Variants in STXBP4 observed in about 807,000 individuals in gnomAD.
The protein encoded by STXBP4 is syntaxin binding protein 4, also known as syntaxin-binding protein 4.
A neutral mutation model predicts 76.1 loss-of-function variants in STXBP4; 55 were observed. The ratio of observed to expected loss-of-function variants is 0.72; its 90% CI spans 0.58 to 0.91. The LOEUF is 0.91. STXBP4 is among the 40% of genes least tolerant of loss of function. The pLI is 0.00. For synonymous variants in STXBP4, 201 were observed against 220.2 expected (o/e 0.91, Z 0.77); for missense variants, 618 against 636.9 (o/e 0.97, Z 0.32).
intron 16 of STXBP4, among the ~76,000 whole-genome samples, chr17:55,103,847 A>G (rs1201699084): frequency 6.6e-6 from 1 of 152,052 alleles, no homozygotes; most frequent in Non-Finnish European, 1.5e-5. Context: ...CTTCACCTCC[A>G]TTGTAAGTTG....
At chr17:55,006,306 G>A (rs2078006932) in intron 7 of STXBP4, among the ~76,000 whole-genome samples, 1 of 152,060 alleles carries the variant, frequency 6.6e-6, no homozygotes. Context: ...CACTTCTTAT[G>A]TTCTTAAGAG....
At chr17:55,075,811 G>C (rs12937395) in intron 13 of STXBP4, among the ~76,000 whole-genome samples, 1 of 152,110 alleles carries the variant, frequency 6.6e-6, no homozygotes, top group African/African-American at 2.4e-5. Context: ...TAGCTCATGA[G>C]AGCTGATTGC....
At chr17:55,150,113 T>C (rs1473504477) in intron 17 of STXBP4, among the ~76,000 whole-genome samples, 1 of 152,184 alleles carries the variant, frequency 6.6e-6, no homozygotes, top group Non-Finnish European at 1.5e-5. Flanking sequence ...GACCCTTTAT[T>C]TAGATTTACT....
chr17:55,072,422 A>G (rs1427619192), intron 12 of STXBP4, among the ~76,000 whole-genome samples: 1 of 152,180 alleles, frequency 6.6e-6, no homozygotes, highest in Non-Finnish European at 1.5e-5. Context: ...GAAGTAGTAG[A>G]TAGATTGACG....
chr17:54,987,264 C>T (rs1233359575), intron 3 of STXBP4, among the ~76,000 whole-genome samples: 2 of 152,150 alleles, frequency 1.3e-5, no homozygotes, highest in Non-Finnish European at 2.9e-5. Context: ...TGCCCTCATT[C>T]CCTCTATAAA....
intron 12 of STXBP4, among the ~76,000 whole-genome samples, chr17:55,070,770 A>G (rs1261881138): frequency 6.6e-6 from 1 of 151,754 alleles, no homozygotes; most frequent in Admixed American, 6.6e-5. Flanking sequence ...ATCATAATTG[A>G]TCTAGTATTG....
At chr17:55,116,936 C>G (rs767912220) in intron 16 of STXBP4, among the ~76,000 whole-genome samples, 21 of 151,636 alleles carry the variant, frequency 1.4e-4, no homozygotes, top group Non-Finnish European at 2.2e-4. Context: ...TTTAATGAAC[C>G]TTTTATTAAT....
chr17:55,141,883 T>A (rs192915082), intron 17 of STXBP4, among the ~76,000 whole-genome samples: 123 of 152,222 alleles, frequency 8.1e-4, no homozygotes, highest in Non-Finnish European at 1.8e-4. Context: ...ATTTACATAA[T>A]AGAGAGGAAA....
At position 55,141,303 on chromosome 17, in the gene STXBP4, A is replaced by C; in HGVS notation, c.1490-7A>C. 6.2e-7 allele frequency: 1 copy of C among 1,608,862 alleles called. No homozygotes were observed. The highest frequency in any genetic ancestry group is 8.5e-7 in the Non-Finnish European group (1 of 1,177,590). On this transcript the variant is annotated splice_polypyrimidine_tract_variant and splice_region_variant and intron_variant, in intron 16 of 17. Transcript: ENST00000376352. ...TTAAATATATTTTTGGTTTCCTTTC[A>C]CTGTAGGTTTACCTTATGGGTGGGA...
chr17:55,019,104 T>G (rs1226583524), intron 8 of STXBP4, among the ~76,000 whole-genome samples: 2 of 152,380 alleles, frequency 1.3e-5, no homozygotes, highest in African/African-American at 4.8e-5. Flanking sequence ...TAGTCTTATG[T>G]AAGAGTTCTT....
chr17:54,981,600 A>G (rs1044557197), intron 1 of STXBP4, among the ~76,000 whole-genome samples: 2 of 152,208 alleles, frequency 1.3e-5, no homozygotes, highest in African/African-American at 4.8e-5. Flanking sequence ...AAATGAAACC[A>G]TAAGAGTACT....
At chr17:55,181,151 A>T in the STXBP4 span, among the ~76,000 whole-genome samples, 1 of 152,202 alleles carries the variant, frequency 6.6e-6, no homozygotes, top group African/African-American at 2.4e-5. Flanking sequence ...TGATTGTCAC[A>T]TAAGACTCTA....
rs202053444 is a variant in STXBP4 at position 55,064,639 on chromosome 17, ACGCCACC to A, written c.1012-8246_1012-8240del. On this transcript the variant is annotated intron_variant, in intron 12 of 17. Transcript: ENST00000376352. ...CTCCTGAGTAGCTGGGATTGCAGGCACGCCACCCGCCACCCGCCACCATGCCCGGCTA... is the reference window on the plus strand; with the variant it reads ...CTCCTGAGTAGCTGGGATTGCAGGCACGCCACCCGCCACCATGCCCGGCTA... Among the ~76,000 whole-genome samples, 1,481 of 151,938 alleles carry A rather than the reference ACGCCACC, an allele frequency of 9.7e-3. 12 individuals carry two copies. The highest frequency in any genetic ancestry group is 0.016 in the Non-Finnish European group (1,104 of 67,928).
At chr17:55,132,749 G>A (rs2628319) in intron 16 of STXBP4, among the ~76,000 whole-genome samples, 36,886 of 149,544 alleles carry the variant, frequency 0.25, 4,936 homozygotes, top group South Asian at 0.32. Flanking sequence ...GGGATAATGA[G>A]TGTCAGAGGC....
intron 12 of STXBP4, among the ~76,000 whole-genome samples, chr17:55,060,017 A>T (rs2078975738): frequency 6.6e-6 from 1 of 152,110 alleles, no homozygotes; most frequent in Non-Finnish European, 1.5e-5. Context: ...GTGGATTCAG[A>T]GTAGTACTTA....
intron 16 of STXBP4, among the ~76,000 whole-genome samples, chr17:55,123,187 T>C (rs958758188): frequency 1.3e-5 from 2 of 152,160 alleles, no homozygotes. Flanking sequence ...AAAGTACTTT[T>C]CATATCAGGA....
intron 12 of STXBP4, among the ~76,000 whole-genome samples, chr17:55,065,224 T>G (rs1425379433): frequency 1.3e-5 from 2 of 152,198 alleles, no homozygotes; most frequent in East Asian, 3.8e-4. Context: ...TTCCTCTTGT[T>G]TCTTTATTTC....
intron 10 of STXBP4, among the ~76,000 whole-genome samples, chr17:55,036,214 C>T (rs1226762090): frequency 6.6e-6 from 1 of 151,866 alleles, no homozygotes; most frequent in Non-Finnish European, 1.5e-5. Flanking sequence ...AATCTTCAGT[C>T]TTATCTTGTC....
At chr17:55,145,004 A>G (rs2080136697) in intron 17 of STXBP4, among the ~76,000 whole-genome samples, 1 of 152,134 alleles carries the variant, frequency 6.6e-6, no homozygotes. Flanking sequence ...CAAAATAGAC[A>G]CTTTCAGCAA....
Sources: allele counts gnomAD v4.1 joint callset (sites outside exome capture counted in the v4.1 genomes callset), GRCh38; gene constraint gnomAD v4.1.1; transcripts MANE v1.5; gene names NCBI Gene and HGNC (gene_info 2026-07-23, HGNC 2026-07-21).